Variants in TMEM45B observed in about 807,000 individuals in gnomAD.
TMEM45B encodes transmembrane protein 45B.
A neutral mutation model predicts 27.3 loss-of-function variants in TMEM45B; 29 were observed. The ratio of observed to expected loss-of-function variants is 1.06; its 90% confidence interval spans 0.79 to 1.45. The LOEUF (loss-of-function observed/expected upper bound fraction) is 1.45, where lower values mean the gene tolerates loss of function less well. Ranked by LOEUF, TMEM45B falls within the 40% of genes most tolerant of loss-of-function variation. The pLI is 0.00. For missense variants in TMEM45B, 348 were observed against 343.9 expected, an observed-to-expected ratio of 1.01 and a Z score of -0.09; for synonymous variants, 143 against 134.7, an observed-to-expected ratio of 1.06 and a Z score of -0.43.
chr11:129,855,066 G>T (rs1947902288), intron 3 of TMEM45B, among the ~76,000 whole-genome samples: 1 of 152,174 alleles, frequency 6.6e-6, no homozygotes, highest in African/African-American at 2.4e-5. Flanking sequence ...TAACACTGCA[G>T]GAGTCCTCCT....
chr11:129,858,712 C>T lies in TMEM45B; in HGVS notation c.*27C>T, dbSNP rs2135619427. The T allele has an allele frequency of 3.4e-6, 5 of 1,490,348 alleles. No individual in the cohort carries two copies. The South Asian group carries it at 4.8e-5, about 14-fold the overall frequency. The allele number at this position is 1,490,348 out of a possible 1,614,324, so 92.3% of individuals were successfully genotyped here. A position where few individuals can be genotyped will look rare whatever the true frequency, so the allele number is the denominator to read the frequency against. On this transcript the variant is annotated 3_prime_UTR_variant, in exon 6 of 6. Transcript: ENST00000281441. ...CCGAGATGCGGAGGGCGCAGATGTC[C>T]CACTGCACAGCTGGAATGAATGGAG...
chr11:129,817,348 C>G (rs1402408805), intron 1 of TMEM45B, among the ~76,000 whole-genome samples: 1 of 152,172 alleles, frequency 6.6e-6, no homozygotes, highest in Non-Finnish European at 1.5e-5. Context: ...TCAGACTTAG[C>G]TCTTTGTGAC....
chr11:129,835,416 G>A (rs1036362418), intron 1 of TMEM45B, among the ~76,000 whole-genome samples: 2 of 152,158 alleles, frequency 1.3e-5, no homozygotes, highest in Middle Eastern at 3.2e-3. Context: ...TGCATAGGAG[G>A]CCAAGGTTTT....
intron 5 of TMEM45B, among the ~76,000 whole-genome samples, chr11:129,857,882 A>G (rs536915745): frequency 6.6e-5 from 10 of 152,138 alleles, no homozygotes; most frequent in East Asian, 1.9e-4. Flanking sequence ...GACAAACTGC[A>G]CTCCACCCCT....
At chr11:129,837,777 C>CT (rs1159669879) in intron 1 of TMEM45B, among the ~76,000 whole-genome samples, 19,218 of 69,200 alleles carry the variant, frequency 0.28, 3,509 homozygotes, top group South Asian at 0.38. Context: ...AGGCTAGTTT[C>CT]TTTTTTTTTT....
rs570593374 is a variant in TMEM45B at position 129,818,062 on chromosome 11, C to G, written c.-9+2164C>G. Among the ~76,000 whole-genome samples, 232 of 152,280 alleles carry G rather than the reference C, an allele frequency of 1.5e-3. 1 individual carries two copies. Among genetic ancestry groups the G allele is most frequent in the African/African-American group, 4.9e-3 (203 of 41,566 alleles). On this transcript the variant is annotated intron_variant, in intron 1 of 5. Transcript: ENST00000281441. ...AGATTATTCCCAGTATGAGACCATA[C>G]TGAATATGAACAATTAGAGGCCACA...
At chr11:129,818,855 TAAAG>T (rs1947382816) in intron 1 of TMEM45B, among the ~76,000 whole-genome samples, 1 of 152,234 alleles carries the variant, frequency 6.6e-6, no homozygotes, top group Admixed American at 6.5e-5. Context: ...TTAAGAAAAA[TAAAG>T]CAAGTACCTC....
At position 129,854,624 on chromosome 11, in the gene TMEM45B, C is replaced by G; in HGVS notation, c.193C>G (p.Gln65Glu). Residue 65 changes from glutamine (Q) to glutamate (E), a missense_variant, in exon 3 of 6, where the codon CAG becomes GAG. Coordinates refer to ENST00000281441, the MANE Select transcript of TMEM45B (RefSeq NM_138788.5). The part of the protein sequence containing the change: ...LFSVTGILAE[Q>E]FVPDGPHLHL... ...TTTCCCTGCAGGGATCCTGGCAGAG[C>G]AGTTTGTTCCGGATGGGCCCCACCT... 2 of 1,614,196 alleles carry G rather than the reference C, an allele frequency of 1.2e-6. No individual in the cohort carries two copies. Among genetic ancestry groups the G allele is most frequent in the Non-Finnish European group, 8.5e-7 (1 of 1,180,018 alleles).
chr11:129,857,218 T>C (rs2135614190), intron 4 of TMEM45B, 95 bp from the exon 5 acceptor site: 1 of 1,444,274 alleles, frequency 6.9e-7, no homozygotes, highest in African/African-American at 1.4e-5. Context: ...GAGGCGGTGG[T>C]CACACATGGG....
At chr11:129,850,027 T>C (rs997234835) in intron 1 of TMEM45B, among the ~76,000 whole-genome samples, 1 of 152,172 alleles carries the variant, frequency 6.6e-6, no homozygotes, top group Non-Finnish European at 1.5e-5. Context: ...ATACCCGTGG[T>C]TTTCTCTCCT....
At chr11:129,838,526 AC>A (rs754105945) in intron 1 of TMEM45B, among the ~76,000 whole-genome samples, 1 of 152,148 alleles carries the variant, frequency 6.6e-6, no homozygotes, top group Non-Finnish European at 1.5e-5. Context: ...GTCTCAGCCA[AC>A]ATCTCATGAA....
rs114341826 is a variant in TMEM45B, at chr11:129,858,320, C to T, written c.717-254C>T. ...GCTCAAGTCAGTTTCTTTTAGTTCT[C>T]CTGCCCAGCCACTGAAACAGTAAAC... is the stretch of plus-strand genomic sequence containing the variant. On this transcript the variant is annotated intron_variant, in intron 5 of 5. Coordinates refer to ENST00000281441, the MANE Select transcript of TMEM45B (RefSeq NM_138788.5). Among the ~76,000 whole-genome samples, 1,415 of 152,306 alleles carry T rather than the reference C, an allele frequency of 9.3e-3. 24 individuals carry two copies. The highest frequency in any genetic ancestry group is 0.032 in the African/African-American group (1,334 of 41,544).
chr11:129,856,531 A>G (rs528998394), intron 4 of TMEM45B, among the ~76,000 whole-genome samples: 1 of 146,358 alleles, frequency 6.8e-6, no homozygotes, highest in South Asian at 2.2e-4. Flanking sequence ...AAGTAAGCCT[A>G]TACAACCAAA....
chr11:129,831,664 T>C (rs1305408004), intron 1 of TMEM45B, among the ~76,000 whole-genome samples: 1 of 152,188 alleles, frequency 6.6e-6, no homozygotes, highest in Admixed American at 6.5e-5. Flanking sequence ...CACAAAAACA[T>C]GCAATTCTTC....
chr11:129,833,501 G>A (rs1241332122), intron 1 of TMEM45B, among the ~76,000 whole-genome samples: 2 of 151,762 alleles, frequency 1.3e-5, no homozygotes, highest in African/African-American at 2.4e-5. Context: ...AGGGCCAGGC[G>A]CAGTGACTCA....
intron 1 of TMEM45B, among the ~76,000 whole-genome samples, chr11:129,849,333 G>A (rs1004650440): frequency 3.3e-5 from 5 of 152,214 alleles, no homozygotes; most frequent in African/African-American, 1.2e-4. Context: ...GAAGAAAGGA[G>A]TAACAACAGG....
chr11:129,816,750 T>G (rs1565360312), intron 1 of TMEM45B, among the ~76,000 whole-genome samples: 3 of 143,472 alleles, frequency 2.1e-5, no homozygotes. Context: ...TTTTTTTTTT[T>G]TTTTTGAGAC....
At chr11:129,841,022 C>T (rs1285746011) in intron 1 of TMEM45B, among the ~76,000 whole-genome samples, 5 of 135,712 alleles carry the variant, frequency 3.7e-5, no homozygotes. Flanking sequence ...TTTATCAAAA[C>T]CAAGCATTTC....
chr11:129,834,497 GA>G (rs1170478980), intron 1 of TMEM45B, among the ~76,000 whole-genome samples: 1 of 32,112 alleles, frequency 3.1e-5, no homozygotes, highest in African/African-American at 5.4e-5. Context: ...GACTGAGAAA[GA>G]AAAAACAGAG....
Sources: gnomAD v4.1 joint callset for allele counts (sites outside exome capture counted in the v4.1 genomes callset) on GRCh38, gnomAD v4.1.1 for gene constraint, MANE v1.5 for transcripts, NCBI Gene and HGNC (gene_info 2026-07-23, HGNC 2026-07-21) for gene names.